The following UNC93A variants were observed in gnomAD, a reference collection of about 807,000 sequenced individuals.
UNC93A encodes the protein N-acetylglucosamine transporter UNC93A.
Under a neutral mutation model 47.5 loss-of-function variants are expected in UNC93A, and 43 were observed. That is an observed-to-expected ratio of 0.91 (90% CI 0.71 to 1.17). The LOEUF is 1.17. Among genes scored for constraint, UNC93A ranks in the 50% most tolerant of loss-of-function variants. The pLI is 0.00. For synonymous variants in UNC93A, 280 were observed against 258.0 expected (o/e 1.09, Z -0.82); for missense variants, 605 against 577.6 (o/e 1.05, Z -0.49).
chr6:167,305,769 G>T, intron 5 of UNC93A, 146 bp from the exon 6 acceptor site: 1 of 1,119,896 alleles, frequency 8.9e-7, no homozygotes, highest in Non-Finnish European at 1.3e-6. Flanking sequence ...TCCTGCATGG[G>T]AGCCACAGAG....
chr6:167,300,158 G>A (rs1778202296), intron 4 of UNC93A, among the ~76,000 whole-genome samples: 1 of 152,176 alleles, frequency 6.6e-6, no homozygotes, highest in Non-Finnish European at 1.5e-5. Flanking sequence ...GTGTCCAGTG[G>A]GCAGTCTGAC....
intron 1 of UNC93A, among the ~76,000 whole-genome samples, chr6:167,283,970 G>T (rs1039360097): frequency 6.6e-6 from 1 of 152,150 alleles, no homozygotes; most frequent in African/African-American, 2.4e-5. Flanking sequence ...AATCCCATCT[G>T]GGAAGGTTCA....
At chr6:167,273,410 G>C (rs1438507765) in intron 1 of UNC93A, among the ~76,000 whole-genome samples, 2 of 152,208 alleles carry the variant, frequency 1.3e-5, no homozygotes, top group East Asian at 3.8e-4. Flanking sequence ...CATGGGAGCT[G>C]CTGTGACTCT....
upstream of UNC93A, among the ~76,000 whole-genome samples, chr6:167,287,156 C>T (rs114001478): frequency 6.7e-3 from 1,010 of 150,934 alleles, 17 homozygotes; most frequent in African/African-American, 0.023. Context: ...CCATACTTGG[C>T]CCTCAGCTGT....
chr6:167,275,622 G>A (rs73790142), intron 1 of UNC93A, among the ~76,000 whole-genome samples: 9,969 of 152,296 alleles, frequency 0.065, 634 homozygotes, highest in African/African-American at 0.17. Context: ...TGCAGCATCA[G>A]GCAGGCCTGG....
intron 1 of UNC93A, among the ~76,000 whole-genome samples, chr6:167,293,737 C>T (rs1004142000): frequency 1.3e-5 from 2 of 152,202 alleles, no homozygotes; most frequent in African/African-American, 4.8e-5. Flanking sequence ...GACTAGGTCC[C>T]CTCGTCCAAG....
At chr6:167,290,544 A>G (rs1783822300), upstream of UNC93A, among the ~76,000 whole-genome samples, 1 of 152,242 alleles carries the variant, frequency 6.6e-6, no homozygotes, top group Non-Finnish European at 1.5e-5. Context: ...CATTTGTGGT[A>G]AGTTGCTTAA....
At chr6:167,272,750 A>C (rs1285680926) in intron 1 of UNC93A, among the ~76,000 whole-genome samples, 1 of 152,234 alleles carries the variant, frequency 6.6e-6, no homozygotes, top group Non-Finnish European at 1.5e-5. Flanking sequence ...TGGAGCAAAT[A>C]GAAAGAAATT....
chr6:167,283,386 G>A (rs993427656), intron 1 of UNC93A, among the ~76,000 whole-genome samples: 1 of 152,100 alleles, frequency 6.6e-6, no homozygotes, highest in Admixed American at 6.5e-5. Context: ...AGCAAGGAGG[G>A]TATAATGAGG....
In UNC93A at chr6:167,315,300, C is replaced by T; in HGVS notation, c.1222C>T (p.His408Tyr). 6.2e-7 allele frequency: 1 copy of T among 1,613,794 alleles called. No homozygotes were observed. Among genetic ancestry groups the T allele is most frequent in the Non-Finnish European group, 8.5e-7 (1 of 1,179,834 alleles). ...CGGGTACAGCATGTTTTTGTGCGTG[C>T]ACGTCAAGCTCTACATTCTGCTGGG... is the stretch of plus-strand genomic sequence containing the variant. ...AFGYSMFLCV[H>Y]VKLYILLGVL... The change falls in exon 8 of 8, where the codon CAC (histidine) becomes TAC (tyrosine). Residue 408 changes from histidine to tyrosine, a missense_variant. Transcript: ENST00000230256.
chr6:167,295,040 G>A (rs1778015529), intron 2 of UNC93A, among the ~76,000 whole-genome samples: 1 of 152,110 alleles, frequency 6.6e-6, no homozygotes, highest in African/African-American at 2.4e-5. Flanking sequence ...CAGATGGTGA[G>A]TCTCGTGGGC....
upstream of UNC93A, among the ~76,000 whole-genome samples, chr6:167,290,441 T>C (rs983445832): frequency 1.3e-5 from 2 of 152,158 alleles, no homozygotes; most frequent in African/African-American, 4.8e-5. Flanking sequence ...TAGACAGAAA[T>C]GGCTGACTTC....
At chr6:167,284,517 G>T (rs1490447744) in intron 1 of UNC93A, among the ~76,000 whole-genome samples, 1 of 152,282 alleles carries the variant, frequency 6.6e-6, no homozygotes, top group Admixed American at 6.5e-5. Flanking sequence ...CGAAGGCCAG[G>T]CATGCCCATC....
chr6:167,294,320 C>T lies in UNC93A; in HGVS notation c.88-197C>T, dbSNP rs530877102. On this transcript the variant is annotated intron_variant, in intron 1 of 7. Coordinates refer to ENST00000230256, the MANE Select transcript of UNC93A (RefSeq NM_018974.4). ...GCCTTCACTCCCTGATGTTTAGACA[C>T]ACTAACTGCTTTATTCCGAATTCAC... is the stretch of plus-strand genomic sequence containing the variant. Among the ~76,000 whole-genome samples the T allele has an allele frequency of 9.8e-5, 15 of 152,336 alleles. No individual in the cohort carries two copies. The South Asian group carries it at 1.4e-3, about 15-fold the overall frequency.
chr6:167,312,376 G>A (rs1021151503), intron 7 of UNC93A, among the ~76,000 whole-genome samples: 3 of 152,068 alleles, frequency 2.0e-5, no homozygotes, highest in Non-Finnish European at 4.4e-5. Flanking sequence ...TGCCCAGGGA[G>A]CCAGCAGTCA....
intron 1 of UNC93A, among the ~76,000 whole-genome samples, chr6:167,285,960 C>CTCTCTA (rs534979428): frequency 1.0e-4 from 14 of 139,306 alleles, no homozygotes; most frequent in African/African-American, 3.4e-4. Context: ...CTCTCTCTCT[C>CTCTCTA]TATATATATA....
chr6:167,311,215 C>T (rs1034895162), intron 7 of UNC93A, among the ~76,000 whole-genome samples: 6 of 152,120 alleles, frequency 3.9e-5, no homozygotes, highest in Non-Finnish European at 2.9e-5. Flanking sequence ...TTAACGACAC[C>T]GAATAAAACC....
intron 1 of UNC93A, among the ~76,000 whole-genome samples, chr6:167,276,582 C>G (rs1249633518): frequency 6.6e-6 from 1 of 152,150 alleles, no homozygotes; most frequent in South Asian, 2.1e-4. Context: ...ACACTGTGCA[C>G]AGTGGCTGAG....
intron 1 of UNC93A, among the ~76,000 whole-genome samples, chr6:167,294,066 T>C (rs1562348617): frequency 2.6e-5 from 4 of 152,166 alleles, no homozygotes; most frequent in Admixed American, 2.0e-4. Context: ...GAAGAAATCA[T>C]TCATGTGCAC....
Sources: gnomAD v4.1 joint callset for allele counts (sites outside exome capture counted in the v4.1 genomes callset) on GRCh38, gnomAD v4.1.1 for gene constraint, MANE v1.5 for transcripts, NCBI Gene and HGNC (gene_info 2026-07-23, HGNC 2026-07-21) for gene names.